Variants in HIP1R observed in about 807,000 individuals in gnomAD.
The protein encoded by HIP1R is huntingtin interacting protein 1 related.
HIP1R carries 135 observed loss-of-function variants against 144.2 expected under a neutral mutation model. The ratio of observed to expected loss-of-function variants is 0.94; its 90% CI spans 0.81 to 1.08. The LOEUF is 1.08. HIP1R is among the 50% of genes least tolerant of loss of function. The probability of loss-of-function intolerance (pLI) is 0.00; values close to 1 mark genes in which losing one functional copy is unlikely to be tolerated. For missense variants in HIP1R, 1,462 were observed against 1,432.8 expected (o/e 1.02, Z -0.33); for synonymous variants, 698 against 612.8 (o/e 1.14, Z -2.05).
In HIP1R at chr12:122,849,958, G is replaced by C; in HGVS notation, c.438+3G>C. 1 of 1,610,704 alleles carries C rather than the reference G, an allele frequency of 6.2e-7. No homozygotes were observed. Among genetic ancestry groups the C allele is most frequent in the Non-Finnish European group, 8.5e-7 (1 of 1,177,288 alleles). On this transcript the variant is annotated splice_donor_region_variant and intron_variant, in intron 5 of 31. Transcript: ENST00000253083. ...CCAAGATCTCCTTCCACCTCAAGGT[G>C]GTTTCCTCGGGGGAGTCATGGGGCT...
Position 122,860,460 on chromosome 12 carries a change from C to CG in HIP1R, c.2598dup (p.Arg867AlafsTer25), listed in dbSNP as rs769343582. The stretch of plus-strand genomic sequence containing the variant: ...CAGCAGGAATTTTACGCCAAGAACT[C>CG]GCGCTGGACCGAAGGCCTCATCTCG... On this transcript the variant is annotated frameshift_variant, in exon 27 of 32. Transcript: ENST00000253083. LOFTEE classifies it high-confidence loss of function. 3 of 1,613,400 alleles carry CG rather than the reference C, an allele frequency of 1.9e-6. No individual in the cohort carries two copies. The highest frequency in any genetic ancestry group is 1.7e-6 in the Non-Finnish European group (2 of 1,180,008).
chr12:122,839,295 A>G (rs756689603), intron 1 of HIP1R, among the ~76,000 whole-genome samples: 5 of 152,216 alleles, frequency 3.3e-5, no homozygotes, highest in Non-Finnish European at 7.3e-5. Context: ...GGCCCACAGG[A>G]TGGAGATCAA....
intron 1 of HIP1R, among the ~76,000 whole-genome samples, chr12:122,835,896 G>A (rs2032877714): frequency 6.6e-6 from 1 of 150,928 alleles, no homozygotes; most frequent in Non-Finnish European, 1.5e-5. Context: ...CCGGGCGCTC[G>A]GGCCCAGAGG....
Position 122,858,345 on chromosome 12 carries a change from G to A in HIP1R, c.1964-4G>A. On this transcript the variant is annotated splice_region_variant and splice_polypyrimidine_tract_variant and intron_variant, in intron 19 of 31. Coordinates refer to ENST00000253083, the MANE Select transcript of HIP1R (RefSeq NM_003959.3). Reference sequence around the variant, plus strand: ...AGGGGCCTCAGTTCTCCTCGTGCTTGCAGACTACCTGGTGAGCAGGGCCCA... The same window carrying A: ...AGGGGCCTCAGTTCTCCTCGTGCTTACAGACTACCTGGTGAGCAGGGCCCA... 1 of 1,606,622 alleles carries A rather than the reference G, an allele frequency of 6.2e-7. No homozygotes were observed. Among genetic ancestry groups the A allele is most frequent in the Non-Finnish European group, 8.5e-7 (1 of 1,175,560 alleles).
At chr12:122,846,379 G>T (rs1041679891) in intron 1 of HIP1R, among the ~76,000 whole-genome samples, 1 of 152,186 alleles carries the variant, frequency 6.6e-6, no homozygotes, top group East Asian at 1.9e-4. Context: ...CACTTCCCTG[G>T]GCTGTTGCTG....
At position 122,851,215 on chromosome 12, in the gene HIP1R, TC is replaced by T. The variant is rs750296149; in HGVS notation, c.516-16del. On this transcript the variant is annotated intron_variant, in intron 6 of 31. Transcript: ENST00000253083. ...GGTCCACCCACCCTTTTTCATTTCT[TC>T]CCCCACTTCTCTTGCGTAGCTTCCA... is the stretch of plus-strand genomic sequence containing the variant. 57 of 1,492,008 alleles carry T rather than the reference TC, an allele frequency of 3.8e-5. No homozygotes were observed. Among genetic ancestry groups the T allele is most frequent in the Non-Finnish European group, 4.7e-5 (53 of 1,125,948 alleles). The allele number at this position is 1,492,008 out of a possible 1,614,324, so 92.4% of individuals were successfully genotyped here.
chr12:122,859,858 C>A (rs1168881020), intron 24 of HIP1R, 28 bp downstream of exon 24: 4 of 1,605,160 alleles, frequency 2.5e-6, no homozygotes, highest in Non-Finnish European at 3.4e-6. Context: ...CCCCCCAGGC[C>A]CAGCCGAGGT....
intron 7 of HIP1R, among the ~76,000 whole-genome samples, chr12:122,851,616 C>T (rs562572953): frequency 6.6e-6 from 1 of 152,034 alleles, no homozygotes; most frequent in South Asian, 2.1e-4. Flanking sequence ...AGGAGAATCA[C>T]TTGAACCTGG....
rs545043313 is a variant in HIP1R, at chr12:122,835,647, AGCGGGCGGCGGGCGGCGGGCG to A, written c.93+16_93+36del. ...CGAGCAGTTCGACAAGACCCAGGCG[AGCGGGCGGCGGGCGGCGGGCG>A]GCGGGCGGCGGCGGGCGGGCGGGCA... On this transcript the variant is annotated splice_donor_5th_base_variant and intron_variant, in intron 1 of 31. Coordinates refer to ENST00000253083, the MANE Select transcript of HIP1R (RefSeq NM_003959.3). The A allele has an allele frequency of 1.1e-5, 12 of 1,075,628 alleles. 1 individual carries two copies. The highest frequency in any genetic ancestry group is 1.9e-5 in the African/African-American group (1 of 52,772). 66.6% of individuals were successfully genotyped at this position (1,075,628 alleles called of 1,614,324 possible). A position where few individuals can be genotyped will look rare whatever the true frequency, so the allele number is the denominator to read the frequency against.
In HIP1R at chr12:122,861,378, A is replaced by G. The variant is rs754185315; in HGVS notation, c.3023A>G (p.His1008Arg). The change falls in exon 31 of 32, where the codon CAC (histidine) becomes CGC (arginine). Residue 1008 changes from histidine to arginine, a missense_variant. By Grantham distance (29) the His-to-Arg change is conservative. Coordinates refer to ENST00000253083, the MANE Select transcript of HIP1R (RefSeq NM_003959.3). ...CGGCTGGGGGAGTTGCGGAAGCAAC[A>G]CTACGTGCTGGCTGGGGCATCAGGC... Reference protein sequence around the residue: ...RMRLGELRKQHYVLAGASGSP... With the variant: ...RMRLGELRKQRYVLAGASGSP... 1 of 1,613,600 alleles carries G rather than the reference A, an allele frequency of 6.2e-7. No individual in the cohort carries two copies. Among genetic ancestry groups the G allele is most frequent in the Non-Finnish European group, 8.5e-7 (1 of 1,179,920 alleles).
At chr12:122,844,795 G>C (rs927663139) in intron 1 of HIP1R, among the ~76,000 whole-genome samples, 1 of 152,174 alleles carries the variant, frequency 6.6e-6, no homozygotes, top group African/African-American at 2.4e-5. Flanking sequence ...CAAAGGCTGC[G>C]CTGCCCTGAA....
Position 122,860,250 on chromosome 12 carries a change from C to G in HIP1R, c.2559+40C>G, listed in dbSNP as rs752700445. The G allele has an allele frequency of 1.5e-5, 23 of 1,534,810 alleles. No individual in the cohort carries two copies. In the East Asian group the frequency reaches 3.4e-4, roughly 22 times the overall value. On this transcript the variant is annotated intron_variant, in intron 26 of 31. Transcript: ENST00000253083. Reference sequence around the variant, plus strand: ...GCAGCAGGGCACAGTCCACAAGGAGCCTGACCCCCAGCCTAGGCCACCCTG... The same window carrying G: ...GCAGCAGGGCACAGTCCACAAGGAGGCTGACCCCCAGCCTAGGCCACCCTG...
intron 10 of HIP1R, 56 bp downstream of exon 10, chr12:122,855,184 G>GC (rs2033528683): frequency 1.9e-6 from 3 of 1,611,322 alleles, no homozygotes; most frequent in Non-Finnish European, 2.5e-6. Flanking sequence ...ACCTGGCTGG[G>GC]CCCCACACAG....
chr12:122,842,732 G>T (rs886263000), intron 1 of HIP1R, among the ~76,000 whole-genome samples: 2 of 152,212 alleles, frequency 1.3e-5, no homozygotes, highest in African/African-American at 2.4e-5. Context: ...TCCACATCAG[G>T]CCTGGGCCAG....
chr12:122,835,741 C>T (rs1256765950), intron 1 of HIP1R, 98 bp downstream of exon 1: 11 of 751,784 alleles, frequency 1.5e-5, no homozygotes, highest in Non-Finnish European at 1.8e-5. Flanking sequence ...GCCCGGGAGG[C>T]GCCGGCCAGG....
chr12:122,840,278 G>A lies in HIP1R; in HGVS notation c.93+4635G>A, dbSNP rs968935890. ...TTTGATGCCCATGACACATTCCTGA[G>A]CGCCGCTTGCTGTCTTACCATTTGG... On this transcript the variant is annotated intron_variant, in intron 1 of 31. Transcript: ENST00000253083. The surrounding 1 kb of genome is among the most constrained non-coding windows in gnomAD (Gnocchi z 4.2). 2.6e-5 allele frequency among the ~76,000 whole-genome samples: 4 copies of A among 152,212 alleles called. No homozygotes were observed. Among genetic ancestry groups the A allele is most frequent in the Non-Finnish European group, 5.9e-5 (4 of 68,038 alleles).
At chr12:122,856,955 G>A (rs1444673647) in intron 17 of HIP1R, 66 bp from the exon 18 acceptor site, 26 of 1,462,684 alleles carry the variant, frequency 1.8e-5, no homozygotes, top group South Asian at 1.3e-4. Flanking sequence ...GTTTATAAGC[G>A]TGGGGGCAGG....
chr12:122,856,519 GAGC>G lies in HIP1R; in HGVS notation c.1492_1494del (p.Gln498del). On this transcript the variant is annotated inframe_deletion, in exon 16 of 32. Coordinates refer to ENST00000253083, the MANE Select transcript of HIP1R (RefSeq NM_003959.3). ...GAAGGAGCAGCTGGCCTTCCAGGTG[GAGC>G]AGGTGAAGCGGGAGTCGGAGTTGAA... The G allele has an allele frequency of 6.3e-7, 1 of 1,598,794 alleles. No individual in the cohort carries two copies. Among genetic ancestry groups the G allele is most frequent in the South Asian group, 1.1e-5 (1 of 88,912 alleles).
chr12:122,860,652 T>C (rs760755186), intron 27 of HIP1R, 27 bp from the exon 28 acceptor site: 1 of 1,596,822 alleles, frequency 6.3e-7, no homozygotes, highest in East Asian at 2.2e-5. Flanking sequence ...TCAGAGACCC[T>C]GGCCCTGACT....
Sources: gnomAD v4.1 joint callset for allele counts (sites outside exome capture counted in the v4.1 genomes callset) on GRCh38, gnomAD v4.1.1 for gene constraint, Gnocchi (gnomAD v3.1) non-coding constraint, MANE v1.5 for transcripts, NCBI Gene and HGNC (gene_info 2026-07-23, HGNC 2026-07-21) for gene names.